GRAP2: variants seen among roughly 807,000 people sequenced by gnomAD.
The protein encoded by GRAP2 is GRB2 related adaptor protein 2, also known as GRB2-related adapter protein 2.
Under a neutral mutation model 43.5 loss-of-function variants are expected in GRAP2, and 31 were observed. The observed-to-expected ratio is 0.71, with a 90% CI of 0.54 to 0.96. The LOEUF (loss-of-function observed/expected upper bound fraction) is 0.96, where lower values mean the gene tolerates loss of function less well. Among genes scored for constraint, GRAP2 ranks in the 40% least tolerant of loss-of-function variants. The pLI is 0.00. For synonymous variants in GRAP2, 156 were observed against 164.8 expected (o/e 0.95, Z 0.41); for missense variants, 371 against 424.4 (o/e 0.87, Z 1.11).
At chr22:39,940,479 T>C (rs892295222) in intron 1 of GRAP2, among the ~76,000 whole-genome samples, 1 of 150,888 alleles carries the variant, frequency 6.6e-6, no homozygotes, top group African/African-American at 2.4e-5. Flanking sequence ...AGGCGAGCCA[T>C]AAGGTAGTTG....
Position 39,947,073 on chromosome 22 carries a change from C to T in GRAP2, c.-14-20C>T. 7.0e-7 allele frequency: 1 copy of T among 1,423,550 alleles called. No individual in the cohort carries two copies. The allele number at this position is 1,423,550 out of a possible 1,614,324, so 88.2% of individuals were successfully genotyped here. A position where few individuals can be genotyped will look rare whatever the true frequency, so the allele number is the denominator to read the frequency against. On this transcript the variant is annotated intron_variant, in intron 1 of 7. Transcript: ENST00000344138. ...TCCCCCTGGCAGAGAGGCACAATGA[C>T]CACATTATTTCTCTTCCAGCTTCAC...
chr22:39,922,291 A>T (rs962373016), intron 1 of GRAP2, among the ~76,000 whole-genome samples: 2 of 152,212 alleles, frequency 1.3e-5, no homozygotes, highest in African/African-American at 4.8e-5. Flanking sequence ...AGGGAGGATT[A>T]AGCTCAGGGA....
At chr22:39,893,943 C>G in the GRAP2 span, 3 of 151,886 alleles carry the variant, frequency 2.0e-5, no homozygotes, top group Non-Finnish European at 4.4e-5. Context: ...CCTAATCCTC[C>G]TTTCAAAGAA....
chr22:39,965,946 T>C, intron 4 of GRAP2, 44 bp from the exon 5 acceptor site: 3 of 1,518,034 alleles, frequency 2.0e-6, no homozygotes, highest in Non-Finnish European at 2.7e-6. Context: ...GGTGGTGACA[T>C]TATCACCGTG....
intron 7 of GRAP2, 72 bp downstream of exon 7, chr22:39,969,605 C>T: frequency 1.3e-6 from 2 of 1,520,652 alleles, no homozygotes; most frequent in South Asian, 1.1e-5. Flanking sequence ...GGAGATGAGG[C>T]AGGAGAGACT....
At chr22:39,907,613 G>A (rs991776086) in intron 1 of GRAP2, among the ~76,000 whole-genome samples, 2 of 151,892 alleles carry the variant, frequency 1.3e-5, no homozygotes, top group Non-Finnish European at 2.9e-5. Flanking sequence ...CCAGTGGCCC[G>A]CACCTGTAGT....
chr22:39,915,540 G>C (rs1036148290), intron 1 of GRAP2, among the ~76,000 whole-genome samples: 19 of 152,180 alleles, frequency 1.2e-4, no homozygotes, highest in African/African-American at 4.1e-4. Context: ...GTCTCTCCCA[G>C]ATTGCTGACT....
chr22:39,952,468 G>A (rs553711494), intron 2 of GRAP2, among the ~76,000 whole-genome samples: 14 of 152,250 alleles, frequency 9.2e-5, no homozygotes, highest in African/African-American at 2.6e-4. Context: ...ATTCAGAAGC[G>A]ATGGATGGAG....
At chr22:39,927,191 C>T (rs2066712354) in intron 1 of GRAP2, among the ~76,000 whole-genome samples, 1 of 152,194 alleles carries the variant, frequency 6.6e-6, no homozygotes, top group South Asian at 2.1e-4. Flanking sequence ...CATGCTATCC[C>T]CACTTACCTT....
At position 39,935,271 on chromosome 22, in the gene GRAP2, C is replaced by A. The variant is rs1446340654; in HGVS notation, c.-14-11822C>A. On this transcript the variant is annotated intron_variant, in intron 1 of 7. Transcript: ENST00000344138. ...AATTCAGATGAAAGAGCTTTTGATTCAACGTAAACAATTCACCAAGCTGTC... is the reference window on the plus strand; with the variant it reads ...AATTCAGATGAAAGAGCTTTTGATTAAACGTAAACAATTCACCAAGCTGTC... Among the ~76,000 whole-genome samples the A allele has an allele frequency of 3.9e-5, 6 of 152,238 alleles. No individual in the cohort carries two copies. In the South Asian group the frequency reaches 1.0e-3, roughly 26 times the overall value.
intron 4 of GRAP2, 139 bp from the exon 5 acceptor site, chr22:39,965,851 C>A: frequency 1.3e-6 from 1 of 742,682 alleles, no homozygotes; most frequent in Non-Finnish European, 2.4e-6. Flanking sequence ...TGGGCTGGCC[C>A]ACCTGCCCAG....
intron 4 of GRAP2, 130 bp downstream of exon 4, chr22:39,960,304 G>T: frequency 2.4e-6 from 2 of 825,068 alleles, no homozygotes; most frequent in South Asian, 1.6e-5. Context: ...GCCAAGCATG[G>T]CAGCAGCTTC....
intron 2 of GRAP2, among the ~76,000 whole-genome samples, chr22:39,952,892 G>T (rs907653824): frequency 1.3e-5 from 2 of 152,152 alleles, no homozygotes; most frequent in African/African-American, 4.8e-5. Context: ...CATCAGCTCT[G>T]TGAGGTGCTA....
chr22:39,937,093 C>T (rs995135433), intron 1 of GRAP2, among the ~76,000 whole-genome samples: 1 of 152,200 alleles, frequency 6.6e-6, no homozygotes, highest in Admixed American at 6.5e-5. Context: ...CTCTTGCCTC[C>T]ATTTCCCACC....
intron 1 of GRAP2, among the ~76,000 whole-genome samples, chr22:39,938,923 A>G (rs107140): frequency 0.6 from 91,189 of 152,046 alleles, 29,102 homozygotes; most frequent in East Asian, 0.82. Context: ...ATTCTCGGAC[A>G]AGCTGCAGAG....
At chr22:39,906,022 C>A (rs1179218140) in intron 1 of GRAP2, among the ~76,000 whole-genome samples, 1 of 152,092 alleles carries the variant, frequency 6.6e-6, no homozygotes, top group Non-Finnish European at 1.5e-5. Context: ...AGGCTCTGTA[C>A]AAGAAACCTT....
chr22:39,943,720 C>CT (rs531038576), intron 1 of GRAP2, among the ~76,000 whole-genome samples: 4,295 of 134,134 alleles, frequency 0.032, 93 homozygotes, highest in African/African-American at 0.05. Context: ...TCTTTTCTTT[C>CT]TTTTTTTTTT....
At chr22:39,905,304 G>A (rs973100707) in intron 1 of GRAP2, among the ~76,000 whole-genome samples, 3 of 152,130 alleles carry the variant, frequency 2.0e-5, no homozygotes, top group South Asian at 2.1e-4. Flanking sequence ...AGATGGACTC[G>A]ACATGCAAAT....
upstream of GRAP2, among the ~76,000 whole-genome samples, chr22:39,900,593 G>A (rs1420033580): frequency 6.6e-6 from 1 of 152,156 alleles, no homozygotes; most frequent in Non-Finnish European, 1.5e-5. Flanking sequence ...AACAGAAATT[G>A]AAGTCCCAGA....
Sources: allele counts gnomAD v4.1 joint callset (sites outside exome capture counted in the v4.1 genomes callset), GRCh38; gene constraint gnomAD v4.1.1; transcripts MANE v1.5; gene names NCBI Gene and HGNC (gene_info 2026-07-23, HGNC 2026-07-21).